The following SPOCK3 variants were observed in gnomAD, a reference collection of about 807,000 sequenced individuals.
SPOCK3 encodes the protein testican-3.
Under a neutral mutation model 56.6 loss-of-function variants are expected in SPOCK3, and 30 were observed. The observed-to-expected ratio is 0.53, with a 90% CI of 0.40 to 0.72. SPOCK3 has a LOEUF of 0.72. Ranked by LOEUF, SPOCK3 falls within the 30% of genes least tolerant of loss-of-function variation. The pLI, the probability that SPOCK3 is intolerant of heterozygous loss-of-function variation, is 0.00. For synonymous variants in SPOCK3, 196 were observed against 183.3 expected, an observed-to-expected ratio of 1.07 and a Z score of -0.56; for missense variants, 527 against 530.0, an observed-to-expected ratio of 0.99 and a Z score of 0.06.
intron 4 of SPOCK3, among the ~76,000 whole-genome samples, chr4:166,958,939 G>C (rs900674629): frequency 1.3e-5 from 2 of 152,224 alleles, no homozygotes; most frequent in Admixed American, 6.5e-5. Flanking sequence ...CAGTAAACGT[G>C]TTGGGGAAGG....
chr4:166,908,520 A>T (rs1017077624), intron 5 of SPOCK3, among the ~76,000 whole-genome samples: 5 of 120,538 alleles, frequency 4.1e-5, no homozygotes, highest in African/African-American at 1.6e-4. Context: ...CTTCCTTCAA[A>T]ACCATGCACA....
intron 7 of SPOCK3, among the ~76,000 whole-genome samples, chr4:166,773,131 T>G (rs6552223): frequency 0.46 from 69,563 of 151,958 alleles, 16,438 homozygotes; most frequent in African/African-American, 0.51. Context: ...TTCATTAAAG[T>G]TACTTCTCAG....
chr4:166,772,634 T>A (rs1739080408), intron 7 of SPOCK3, among the ~76,000 whole-genome samples: 1 of 152,188 alleles, frequency 6.6e-6, no homozygotes, highest in Non-Finnish European at 1.5e-5. Flanking sequence ...TACAACAGAA[T>A]ATTCACAAGC....
rs533625080 is a variant in SPOCK3 at position 166,906,658 on chromosome 4, C to T, written c.474+5962G>A. Among the ~76,000 whole-genome samples, 37 of 151,824 alleles carry T rather than the reference C, an allele frequency of 2.4e-4. 1 individual carries two copies. The South Asian group carries it at 7.7e-3, about 32-fold the overall frequency. On this transcript the variant is annotated intron_variant, in intron 5 of 10. Coordinates refer to ENST00000357545, the MANE Select transcript of SPOCK3 (RefSeq NM_001040159.2). ...TAGGCTTATTTATCATGCATAATAT[C>T]TAAAAATATATTTTTATCATTAATC...
Position 166,876,884 on chromosome 4 carries a change from T to C in SPOCK3, c.589+12246A>G, listed in dbSNP as rs574470348. Among the ~76,000 whole-genome samples, 5 of 152,238 alleles carry C rather than the reference T, an allele frequency of 3.3e-5. No homozygotes were observed. In the South Asian group the frequency reaches 1.0e-3, roughly 32 times the overall value. On this transcript the variant is annotated intron_variant, in intron 6 of 10. Coordinates refer to ENST00000357545, the MANE Select transcript of SPOCK3 (RefSeq NM_001040159.2). Reference sequence around the variant, plus strand: ...TGATGAAACAAGAAAAAAGTTTACATTTATTGAAAGGTTAAAAATTATCAG... The same window carrying C: ...TGATGAAACAAGAAAAAAGTTTACACTTATTGAAAGGTTAAAAATTATCAG...
chr4:166,847,682 A>ATATATATAT lies in SPOCK3; in HGVS notation c.589+41447_589+41448insATATATATA, dbSNP rs1560926835. ...ATATATATATATATATATATATATA[A>ATATATATAT]GAATCATGTTTACTTTTTTTTACAG... On this transcript the variant is annotated intron_variant, in intron 6 of 10. Transcript: ENST00000357545. Among the ~76,000 whole-genome samples, 78 of 27,212 alleles carry ATATATATAT rather than the reference A, an allele frequency of 2.9e-3. 2 individuals carry two copies. Among genetic ancestry groups the ATATATATAT allele is most frequent in the African/African-American group, 6.0e-3 (72 of 12,030 alleles). 17.9% of individuals were successfully genotyped at this position (27,212 alleles called of 152,430 possible).
chr4:166,905,638 C>T (rs1736527555), intron 5 of SPOCK3, among the ~76,000 whole-genome samples: 1 of 151,694 alleles, frequency 6.6e-6, no homozygotes, highest in South Asian at 2.1e-4. Flanking sequence ...AGTGGAAGTC[C>T]TAACCAAAAC....
intron 4 of SPOCK3, among the ~76,000 whole-genome samples, chr4:166,933,223 C>T (rs1739987358): frequency 6.6e-6 from 1 of 152,068 alleles, no homozygotes; most frequent in African/African-American, 2.4e-5. Context: ...CTAATTTTGC[C>T]ACTCTCTTGC....
chr4:167,204,054 T>A (rs1306105706), intron 2 of SPOCK3, among the ~76,000 whole-genome samples: 6 of 152,094 alleles, frequency 3.9e-5, no homozygotes, highest in Non-Finnish European at 7.3e-5. Flanking sequence ...TCCTGATCCC[T>A]TTGTAACTAT....
intron 7 of SPOCK3, among the ~76,000 whole-genome samples, chr4:166,766,140 C>A (rs957842843): frequency 6.6e-6 from 1 of 152,124 alleles, no homozygotes; most frequent in African/African-American, 2.4e-5. Context: ...CAAACAGGGA[C>A]AATTTGACTT....
chr4:166,745,300 C>T (rs1441683376), intron 8 of SPOCK3, among the ~76,000 whole-genome samples: 1 of 152,168 alleles, frequency 6.6e-6, no homozygotes, highest in Non-Finnish European at 1.5e-5. Context: ...TCAGCAGAAA[C>T]TCTATGAGCC....
intron 6 of SPOCK3, among the ~76,000 whole-genome samples, chr4:166,828,252 A>G (rs1453340287): frequency 1.3e-5 from 2 of 151,986 alleles, no homozygotes; most frequent in African/African-American, 2.4e-5. Context: ...AACTAGTCAC[A>G]GTTTATACAT....
chr4:166,913,758 T>C (rs1215607404), intron 4 of SPOCK3, among the ~76,000 whole-genome samples: 1 of 152,076 alleles, frequency 6.6e-6, no homozygotes, highest in East Asian at 1.9e-4. Context: ...TGGGTGGGCA[T>C]TACACATAGA....
At chr4:166,979,749 A>G (rs1020600753) in intron 4 of SPOCK3, among the ~76,000 whole-genome samples, 2 of 152,088 alleles carry the variant, frequency 1.3e-5, no homozygotes, top group African/African-American at 4.8e-5. Context: ...TTTGTCTTCA[A>G]TCTCTCCTTA....
At chr4:167,065,561 A>T (rs557682729) in intron 2 of SPOCK3, among the ~76,000 whole-genome samples, 2 of 151,900 alleles carry the variant, frequency 1.3e-5, no homozygotes, top group South Asian at 4.2e-4. Flanking sequence ...AAGCCTGGCC[A>T]CTGTGGGGAT....
At chr4:166,869,456 A>G (rs1460020218) in intron 6 of SPOCK3, among the ~76,000 whole-genome samples, 1 of 152,102 alleles carries the variant, frequency 6.6e-6, no homozygotes, top group Non-Finnish European at 1.5e-5. Flanking sequence ...GAAGATAACA[A>G]TACTATAACA....
chr4:167,092,072 T>A (rs1352200522), intron 2 of SPOCK3, among the ~76,000 whole-genome samples: 4 of 152,094 alleles, frequency 2.6e-5, no homozygotes, highest in Non-Finnish European at 5.9e-5. Context: ...GGGTGATTTC[T>A]GCATTTCCAA....
At chr4:167,140,198 T>C (rs1763421844) in intron 2 of SPOCK3, among the ~76,000 whole-genome samples, 1 of 152,104 alleles carries the variant, frequency 6.6e-6, no homozygotes, top group Non-Finnish European at 1.5e-5. Flanking sequence ...AATTTGGTTT[T>C]CAGTTGCTTG....
intron 7 of SPOCK3, among the ~76,000 whole-genome samples, chr4:166,782,436 G>A (rs942810605): frequency 1.3e-5 from 2 of 152,080 alleles, no homozygotes; most frequent in African/African-American, 2.4e-5. Context: ...AAGAGTAAGG[G>A]TATAGATCTG....
Sources: allele counts gnomAD v4.1 joint callset (sites outside exome capture counted in the v4.1 genomes callset), GRCh38; gene constraint gnomAD v4.1.1; transcripts MANE v1.5; gene names NCBI Gene and HGNC (gene_info 2026-07-23, HGNC 2026-07-21).